The following WDFY3 variants were observed in gnomAD, a reference collection of about 807,000 sequenced individuals.
The protein encoded by WDFY3 is WD repeat and FYVE domain-containing protein 3.
WDFY3 carries 66 observed loss-of-function variants against 409.6 expected under a neutral mutation model. That is an observed-to-expected ratio of 0.16 (90% CI 0.13 to 0.20). The LOEUF (loss-of-function observed/expected upper bound fraction) is 0.20, where lower values mean the gene tolerates loss of function less well. Ranked by LOEUF, WDFY3 falls within the 10% of genes least tolerant of loss-of-function variation. WDFY3 has a pLI of 1.00. For missense variants in WDFY3, 3,031 were observed against 4,298.1 expected, an observed-to-expected ratio of 0.71 and a Z score of 8.24; for synonymous variants, 1,521 against 1,537.1, an observed-to-expected ratio of 0.99 and a Z score of 0.25.
chr4:84,845,091 G>GC (rs1560907451), intron 5 of WDFY3, among the ~76,000 whole-genome samples: 1 of 152,086 alleles, frequency 6.6e-6, no homozygotes, highest in Non-Finnish European at 1.5e-5. Flanking sequence ...GATATCTACA[G>GC]CCCATATCTC....
chr4:84,733,213 T>C (rs1159837479), intron 44 of WDFY3, among the ~76,000 whole-genome samples, 169 bp downstream of exon 44: 1 of 152,224 alleles, frequency 6.6e-6, no homozygotes, highest in Non-Finnish European at 1.5e-5. Context: ...CTTCTTGCAC[T>C]GTTGCATCTT....
chr4:84,853,300 A>G (rs1386390908), intron 4 of WDFY3, among the ~76,000 whole-genome samples: 2 of 152,134 alleles, frequency 1.3e-5, no homozygotes, highest in Non-Finnish European at 2.9e-5. Flanking sequence ...CTTCCTGAGT[A>G]GCTGGGATTA....
intron 46 of WDFY3, 118 bp from the exon 47 acceptor site, chr4:84,721,690 G>C (rs1734879896): frequency 1.7e-6 from 2 of 1,197,172 alleles, no homozygotes; most frequent in Non-Finnish European, 2.3e-6. Flanking sequence ...GGAAGGTATA[G>C]GGAGGTAGCA....
At chr4:84,780,542 A>G (rs1451673306) in intron 25 of WDFY3, among the ~76,000 whole-genome samples, 2 of 152,132 alleles carry the variant, frequency 1.3e-5, no homozygotes, top group South Asian at 2.1e-4. Context: ...GTGGATCACA[A>G]GGTCAGGAGT....
chr4:84,703,069 C>T (rs558463560), intron 55 of WDFY3, among the ~76,000 whole-genome samples: 43 of 151,520 alleles, frequency 2.8e-4, no homozygotes, highest in Non-Finnish European at 5.3e-4. Context: ...TGCACTCCAG[C>T]CTGGGGGATA....
In WDFY3 at chr4:84,724,451, C is replaced by T. The variant is rs1210823905; in HGVS notation, c.7416G>A (p.Gly2472=). Residue 2472 remains glycine, a synonymous_variant, in exon 46 of 68, where the codon GGG becomes GGA. Coordinates refer to ENST00000295888, the MANE Select transcript of WDFY3 (RefSeq NM_014991.6). ...CTTTGACTTTAGCAATAGTGTCTTC[C>T]CCATGCTCTGGTTCTTGCTGAGCAG... is the stretch of plus-strand genomic sequence containing the variant. The part of the protein sequence containing the change: ...GEAAQQEPEH[G]EDTIAKVKGL... 1.1e-5 allele frequency: 17 copies of T among 1,613,336 alleles called. No homozygotes were observed. Among genetic ancestry groups the T allele is most frequent in the Non-Finnish European group, 1.4e-5 (17 of 1,179,692 alleles).
chr4:84,721,692 G>C lies in WDFY3; in HGVS notation c.7442-120C>G, dbSNP rs368287527. On this transcript the variant is annotated intron_variant, in intron 46 of 67. Coordinates refer to ENST00000295888, the MANE Select transcript of WDFY3 (RefSeq NM_014991.6). ...TTGAGACAATTTTGGAAGGTATAGGGAGGTAGCACATTCAGTGGTTAAGAA... is the reference window on the plus strand; with the variant it reads ...TTGAGACAATTTTGGAAGGTATAGGCAGGTAGCACATTCAGTGGTTAAGAA... 6 of 1,161,954 alleles carry C rather than the reference G, an allele frequency of 5.2e-6. No homozygotes were observed. The Admixed American group carries it at 1.6e-4, about 31-fold the overall frequency. The allele number at this position is 1,161,954 out of a possible 1,614,324, so 72.0% of individuals were successfully genotyped here.
At chr4:84,693,267 T>C (rs1729547299) in intron 58 of WDFY3, among the ~76,000 whole-genome samples, 1 of 152,222 alleles carries the variant, frequency 6.6e-6, no homozygotes, top group Non-Finnish European at 1.5e-5. Flanking sequence ...GCTATTGTCT[T>C]GTTCTATGCT....
chr4:84,959,322 G>T (rs1262295769), intron 1 of WDFY3, among the ~76,000 whole-genome samples: 6 of 152,052 alleles, frequency 3.9e-5, no homozygotes, highest in African/African-American at 1.4e-4. Flanking sequence ...ATACTGGAAA[G>T]ACCACAATTT....
chr4:84,868,610 A>AT (rs1761756367), intron 3 of WDFY3, among the ~76,000 whole-genome samples: 1 of 152,066 alleles, frequency 6.6e-6, no homozygotes, highest in South Asian at 2.1e-4. Flanking sequence ...GGTGTGCTTA[A>AT]TTTTTTTCCT....
intron 62 of WDFY3, among the ~76,000 whole-genome samples, chr4:84,684,407 G>C (rs1041509764): frequency 6.6e-6 from 1 of 152,180 alleles, no homozygotes; most frequent in Admixed American, 6.5e-5. Context: ...TGCTGAGCAA[G>C]GTCTGGCGAC....
At chr4:84,799,979 GTC>G (rs141953065) in intron 17 of WDFY3, among the ~76,000 whole-genome samples, 2 of 151,344 alleles carry the variant, frequency 1.3e-5, no homozygotes, top group African/African-American at 2.4e-5. Flanking sequence ...ATGGGACAAT[GTC>G]TCTCTCTCTC....
chr4:84,790,040 C>T, intron 21 of WDFY3, 133 bp from the exon 22 acceptor site: 1 of 1,014,026 alleles, frequency 9.9e-7, no homozygotes, highest in South Asian at 1.7e-5. Flanking sequence ...AGTAATAATA[C>T]AACTCTGGAA....
chr4:84,927,050 A>T (rs914456436), intron 2 of WDFY3, among the ~76,000 whole-genome samples: 39 of 152,180 alleles, frequency 2.6e-4, no homozygotes, highest in Middle Eastern at 3.2e-3. Context: ...GTCCAAATCT[A>T]GTGAGAGTTA....
At chr4:84,877,483 G>C (rs1762943214) in intron 3 of WDFY3, among the ~76,000 whole-genome samples, 1 of 151,922 alleles carries the variant, frequency 6.6e-6, no homozygotes, top group East Asian at 1.9e-4. Context: ...TTTTTTTATA[G>C]AGATGGGGTC....
At chr4:84,816,470 T>C (rs1443066392) in intron 13 of WDFY3, among the ~76,000 whole-genome samples, 1 of 152,106 alleles carries the variant, frequency 6.6e-6, no homozygotes, top group African/African-American at 2.4e-5. Context: ...GGGACACTAA[T>C]AGTATTTATT....
intron 4 of WDFY3, 89 bp downstream of exon 4, chr4:84,860,323 T>G (rs1451492154): frequency 1.1e-5 from 15 of 1,408,730 alleles, no homozygotes; most frequent in Non-Finnish European, 1.2e-5. Context: ...AGCCTATCAT[T>G]TTTTTCTACC....
intron 4 of WDFY3, among the ~76,000 whole-genome samples, chr4:84,851,214 T>C (rs1428891686): frequency 1.3e-5 from 2 of 152,044 alleles, no homozygotes; most frequent in African/African-American, 2.4e-5. Flanking sequence ...AGATATATCC[T>C]GAGGTATTAT....
At chr4:84,885,268 G>T (rs944239320) in intron 3 of WDFY3, among the ~76,000 whole-genome samples, 1 of 151,792 alleles carries the variant, frequency 6.6e-6, no homozygotes, top group Non-Finnish European at 1.5e-5. Context: ...GCCTCCCTAA[G>T]TGCTGGGATT....
Sources: allele counts gnomAD v4.1 joint callset (sites outside exome capture counted in the v4.1 genomes callset), GRCh38; gene constraint gnomAD v4.1.1; transcripts MANE v1.5; gene names NCBI Gene and HGNC (gene_info 2026-07-23, HGNC 2026-07-21).